CHMP6: variants seen among roughly 807,000 people sequenced by gnomAD.
CHMP6 encodes chromatin-modifying protein 6.
In CHMP6, 10 loss-of-function variants were observed where a neutral mutation model predicts 32.8. The ratio of observed to expected loss-of-function variants is 0.30; its 90% CI spans 0.19 to 0.52. CHMP6 has a LOEUF of 0.52. Ranked by LOEUF, CHMP6 falls within the 20% of genes least tolerant of loss-of-function variation. The pLI is 0.97. For synonymous variants in CHMP6, 123 were observed against 105.8 expected (o/e 1.16, Z -1.00); for missense variants, 269 against 263.8 (o/e 1.02, Z -0.14).
rs990711201 is a variant in CHMP6, at chr17:80,999,908, G to C, written c.*755G>C. 1.3e-5 allele frequency: 2 copies of C among 152,260 alleles called. No homozygotes were observed. Among genetic ancestry groups the C allele is most frequent in the African/African-American group, 4.8e-5 (2 of 41,464 alleles). The allele number at this position is 152,260 out of a possible 1,614,324, so 9.4% of individuals were successfully genotyped here. ...GGGGTCCCCGCGGCTGGGGCTCATGGAACTGCGAGACCCGGGACCCTCCTG... is the reference window on the plus strand; with the variant it reads ...GGGGTCCCCGCGGCTGGGGCTCATGCAACTGCGAGACCCGGGACCCTCCTG... On this transcript the variant is annotated 3_prime_UTR_variant, in exon 8 of 8. Coordinates refer to ENST00000325167, the MANE Select transcript of CHMP6 (RefSeq NM_024591.5).
chr17:80,991,989 C>A lies in CHMP6; in HGVS notation c.63+8C>A. ...CAGGACAAGGCCATCCTGGTGAGGG[C>A]CCGGGCCCGGGGTCAGGGCTGGGGC... is the stretch of plus-strand genomic sequence containing the variant. On this transcript the variant is annotated splice_region_variant and intron_variant, in intron 1 of 7. Coordinates refer to ENST00000325167, the MANE Select transcript of CHMP6 (RefSeq NM_024591.5). 3 of 1,419,604 alleles carry A rather than the reference C, an allele frequency of 2.1e-6. No individual in the cohort carries two copies. Among genetic ancestry groups the A allele is most frequent in the Non-Finnish European group, 1.9e-6 (2 of 1,074,988 alleles). 87.9% of individuals were successfully genotyped at this position (1,419,604 alleles called of 1,614,324 possible).
chr17:80,992,343 C>T (rs992617266), intron 1 of CHMP6, among the ~76,000 whole-genome samples: 2 of 152,078 alleles, frequency 1.3e-5, no homozygotes, highest in African/African-American at 2.4e-5. Context: ...TGGGCTTTCC[C>T]TGGCTCTGGG....
chr17:80,997,699 A>G (rs1481387010), intron 6 of CHMP6, among the ~76,000 whole-genome samples: 1 of 151,798 alleles, frequency 6.6e-6, no homozygotes, highest in Non-Finnish European at 1.5e-5. Flanking sequence ...TCCTGGCCCC[A>G]GGCTCACATC....
At position 80,991,998 on chromosome 17, in the gene CHMP6, G is replaced by A. The variant is rs1598437781; in HGVS notation, c.63+17G>A. 7.1e-6 allele frequency: 10 copies of A among 1,411,992 alleles called. No homozygotes were observed. Among genetic ancestry groups the A allele is most frequent in the Middle Eastern group, 2.3e-4 (1 of 4,258 alleles). The allele number at this position is 1,411,992 out of a possible 1,614,324, so 87.5% of individuals were successfully genotyped here. A position where few individuals can be genotyped will look rare whatever the true frequency, so the allele number is the denominator to read the frequency against. On this transcript the variant is annotated intron_variant, in intron 1 of 7. Transcript: ENST00000325167. ...GCCATCCTGGTGAGGGCCCGGGCCC[G>A]GGGTCAGGGCTGGGGCCGGGACAGG... is the stretch of plus-strand genomic sequence containing the variant.
In CHMP6 at chr17:80,993,975, T is replaced by C. The variant is rs1238552107; in HGVS notation, c.64-606T>C. The stretch of plus-strand genomic sequence containing the variant: ...TCACCCAGGCTGGAACACAGTGGCA[T>C]ACTCTCGGCTCACTGCAAGCTCTGC... On this transcript the variant is annotated intron_variant, in intron 1 of 7. Transcript: ENST00000325167. Among the ~76,000 whole-genome samples, 5 of 152,040 alleles carry C rather than the reference T, an allele frequency of 3.3e-5. No homozygotes were observed. In the South Asian group the frequency reaches 8.3e-4, roughly 25 times the overall value.
intron 3 of CHMP6, 92 bp from the exon 4 acceptor site, chr17:80,995,580 C>A: frequency 9.2e-7 from 1 of 1,091,662 alleles, no homozygotes; most frequent in African/African-American, 1.5e-5. Context: ...AGCACCCGCC[C>A]AGCAAGGGTG....
chr17:80,992,433 G>A (rs1021351309), intron 1 of CHMP6, among the ~76,000 whole-genome samples: 1 of 152,214 alleles, frequency 6.6e-6, no homozygotes, highest in African/African-American at 2.4e-5. Context: ...CTGGTGCCCT[G>A]GGCCGGAGCC....
rs573889244 is a variant in CHMP6, at chr17:80,991,846, C to T, written c.-73C>T. 7.5e-6 allele frequency: 9 copies of T among 1,201,966 alleles called. No individual in the cohort carries two copies. The highest frequency in any genetic ancestry group is 3.5e-5 in the Admixed American group (1 of 28,608). 74.5% of individuals were successfully genotyped at this position (1,201,966 alleles called of 1,614,324 possible). ...GGCGCGGCCGCCGTAGCGGGAGGAC[C>T]CGAGCTACGGTGGCCGCGGGGCGGC... is the stretch of plus-strand genomic sequence containing the variant. On this transcript the variant is annotated 5_prime_UTR_variant, in exon 1 of 8. Coordinates refer to ENST00000325167, the MANE Select transcript of CHMP6 (RefSeq NM_024591.5).
At chr17:80,996,914 T>G (rs1049454082) in intron 4 of CHMP6, 93 bp from the exon 5 acceptor site, 1 of 1,210,802 alleles carries the variant, frequency 8.3e-7, no homozygotes, top group Non-Finnish European at 1.2e-6. Flanking sequence ...AACAGAGGGG[T>G]GAGGCCATGG....
chr17:80,991,905 G>T lies in CHMP6; in HGVS notation c.-14G>T. 1 of 1,451,646 alleles carries T rather than the reference G, an allele frequency of 6.9e-7. No homozygotes were observed. The highest frequency in any genetic ancestry group is 9.1e-7 in the Non-Finnish European group (1 of 1,094,894). The allele number at this position is 1,451,646 out of a possible 1,614,324, so 89.9% of individuals were successfully genotyped here. A position where few individuals can be genotyped will look rare whatever the true frequency, so the allele number is the denominator to read the frequency against. ...TTGGACTTGGTGGGTCCCGGGCCAG[G>T]GGCGGGCGCCGCCATGGGTAACCTG... On this transcript the variant is annotated 5_prime_UTR_variant, in exon 1 of 8. Coordinates refer to ENST00000325167, the MANE Select transcript of CHMP6 (RefSeq NM_024591.5).
chr17:80,992,529 C>G (rs1334091295), intron 1 of CHMP6, among the ~76,000 whole-genome samples: 1 of 152,242 alleles, frequency 6.6e-6, no homozygotes, highest in Non-Finnish European at 1.5e-5. Context: ...GGAAGTCTGC[C>G]CTGGTCCGAG....
rs1475880806 is a variant in CHMP6 at position 80,999,693 on chromosome 17, C to T, written c.*540C>T. The T allele has an allele frequency of 6.5e-6, 1 of 153,110 alleles. No individual in the cohort carries two copies. Among genetic ancestry groups the T allele is most frequent in the East Asian group, 1.9e-4 (1 of 5,190 alleles). The allele number at this position is 153,110 out of a possible 1,614,324, so 9.5% of individuals were successfully genotyped here. Reference sequence around the variant, plus strand: ...CCTCTCTGTGCCTCTGCCTCCGCACCCTAGACACCCACCTCCAGTTTGAAG... The same window carrying T: ...CCTCTCTGTGCCTCTGCCTCCGCACTCTAGACACCCACCTCCAGTTTGAAG... On this transcript the variant is annotated 3_prime_UTR_variant, in exon 8 of 8. Coordinates refer to ENST00000325167, the MANE Select transcript of CHMP6 (RefSeq NM_024591.5).
chr17:80,996,594 A>C (rs949448816), intron 4 of CHMP6, among the ~76,000 whole-genome samples: 2 of 152,222 alleles, frequency 1.3e-5, no homozygotes, highest in Admixed American at 1.3e-4. Flanking sequence ...CTCAAAAGAA[A>C]TCAAGTCACC....
intron 1 of CHMP6, among the ~76,000 whole-genome samples, chr17:80,994,367 G>A (rs538399911): frequency 6.6e-6 from 1 of 152,344 alleles, no homozygotes; most frequent in East Asian, 1.9e-4. Context: ...TGACCCTCTG[G>A]TGGGGCCGCC....
chr17:80,992,800 A>G (rs757205828), intron 1 of CHMP6, among the ~76,000 whole-genome samples: 3 of 152,264 alleles, frequency 2.0e-5, no homozygotes, highest in Non-Finnish European at 4.4e-5. Context: ...TAAACGTGTC[A>G]CGAAAGAGAC....
intron 1 of CHMP6, among the ~76,000 whole-genome samples, chr17:80,992,863 G>A (rs1439776027): frequency 6.6e-6 from 1 of 152,212 alleles, no homozygotes; most frequent in Non-Finnish European, 1.5e-5. Flanking sequence ...TCTAAATTTT[G>A]TGCAACAGAA....
Position 80,994,707 on chromosome 17 carries a change from C to T in CHMP6, c.173+17C>T. The T allele has an allele frequency of 2.0e-6, 3 of 1,535,986 alleles. No homozygotes were observed. Among genetic ancestry groups the T allele is most frequent in the South Asian group, 1.2e-5 (1 of 82,840 alleles). ...CAGGAAGGAGTGAGTGGGGCCCGGGCAGCGTGGGCACCCTGTCGGCTGGGG... is the reference window on the plus strand; with the variant it reads ...CAGGAAGGAGTGAGTGGGGCCCGGGTAGCGTGGGCACCCTGTCGGCTGGGG... On this transcript the variant is annotated intron_variant, in intron 2 of 7. Coordinates refer to ENST00000325167, the MANE Select transcript of CHMP6 (RefSeq NM_024591.5).
chr17:80,995,320 G>A (rs2069627941), intron 3 of CHMP6, among the ~76,000 whole-genome samples: 1 of 152,200 alleles, frequency 6.6e-6, no homozygotes, highest in Admixed American at 6.5e-5. Context: ...GGCTCTCGCA[G>A]GACTGAGGTG....
intron 7 of CHMP6, chr17:80,998,754 G>A (rs551091387): frequency 5.4e-5 from 64 of 1,175,422 alleles, no homozygotes; most frequent in Non-Finnish European, 6.9e-5. Context: ...TCTCCCCGTG[G>A]CACCATTCAG....
Sources: gnomAD v4.1 joint callset for allele counts (sites outside exome capture counted in the v4.1 genomes callset) on GRCh38, gnomAD v4.1.1 for gene constraint, MANE v1.5 for transcripts, NCBI Gene and HGNC (gene_info 2026-07-23, HGNC 2026-07-21) for gene names.